The following TENM1 variants were observed in gnomAD, a reference collection of about 807,000 sequenced individuals.
The protein encoded by TENM1 is teneurin-1.
TENM1 carries 35 observed loss-of-function variants against 174.8 expected under a neutral mutation model. That is an observed-to-expected ratio of 0.20 (90% CI 0.15 to 0.27). The LOEUF (loss-of-function observed/expected upper bound fraction) is 0.27, where lower values mean the gene tolerates loss of function less well. Ranked by LOEUF, TENM1 falls within the 10% of genes least tolerant of loss-of-function variation. The pLI, the probability that TENM1 is intolerant of heterozygous loss-of-function variation, is 1.00. For synonymous variants in TENM1, 781 were observed against 798.7 expected, an observed-to-expected ratio of 0.98 and a Z score of 0.37; for missense variants, 1,633 against 2,130.1, an observed-to-expected ratio of 0.77 and a Z score of 4.59.
chrX:124,998,090 GAAAAAAA>G, the TENM1 span, among the ~76,000 whole-genome samples: 6 of 48,719 alleles, frequency 1.2e-4, no homozygotes, highest in African/African-American at 3.0e-4. Context: ...TCATTTTAGA[GAAAAAAA>G]AAAAAAAAAA....
rs895338738 is a variant in TENM1 at position 124,388,985 on chromosome X, A to G, written c.5689-2921T>C. Reference sequence around the variant, plus strand: ...GAAAGGTTTACATTTACTCTAATACAAAATTTTAGCCCACAAGTCTTCAAA... The same window carrying G: ...GAAAGGTTTACATTTACTCTAATACGAAATTTTAGCCCACAAGTCTTCAAA... On this transcript the variant is annotated intron_variant, in intron 28 of 31. Coordinates refer to ENST00000422452, the Ensembl canonical transcript of TENM1. Among the ~76,000 whole-genome samples, 10 of 112,626 alleles carry G rather than the reference A, an allele frequency of 8.9e-5. No homozygotes were observed. In the Admixed American group the frequency reaches 9.4e-4, roughly 11 times the overall value.
At chrX:124,906,548 C>A (rs1412116309) in intron 1 of TENM1, among the ~76,000 whole-genome samples, 1 of 111,567 alleles carries the variant, frequency 9.0e-6, no homozygotes. Context: ...ACCATATGAT[C>A]TAACTATTCC....
At chrX:125,171,855 G>A in the TENM1 span, among the ~76,000 whole-genome samples, 1 of 111,940 alleles carries the variant, frequency 8.9e-6, no homozygotes, top group African/African-American at 3.2e-5. Flanking sequence ...ACCATAAAAA[G>A]AGGCTATCTT....
intron 6 of TENM1, among the ~76,000 whole-genome samples, chrX:124,664,373 T>A (rs1296285993): frequency 9.1e-6 from 1 of 110,274 alleles, no homozygotes; most frequent in Non-Finnish European, 1.9e-5. Flanking sequence ...TGCAGTTTTT[T>A]AGTTTGGTAC....
chrX:124,603,798 A>G (rs2050086554), intron 11 of TENM1, among the ~76,000 whole-genome samples: 1 of 112,016 alleles, frequency 8.9e-6, no homozygotes, highest in Non-Finnish European at 1.9e-5. Flanking sequence ...TTTTCAAGAC[A>G]TGTCCTGTTA....
At chrX:124,712,299 A>C (rs2053072875) in intron 4 of TENM1, among the ~76,000 whole-genome samples, 1 of 110,580 alleles carries the variant, frequency 9.0e-6, no homozygotes, top group Non-Finnish European at 1.9e-5. Context: ...CTACTTTACA[A>C]CACCACCAAC....
chrX:124,533,813 T>C (rs892751336), intron 15 of TENM1, among the ~76,000 whole-genome samples: 4 of 111,835 alleles, frequency 3.6e-5, no homozygotes, highest in Non-Finnish European at 7.5e-5. Flanking sequence ...GTTGGTTTTG[T>C]GTGTCTATAT....
chrX:124,795,401 C>T (rs991908163), intron 3 of TENM1, among the ~76,000 whole-genome samples: 2 of 112,276 alleles, frequency 1.8e-5, no homozygotes, highest in Non-Finnish European at 3.8e-5. Flanking sequence ...ATAATTCCTG[C>T]ATAATTGCTG....
chrX:124,907,104 A>G (rs1027441695), intron 1 of TENM1, among the ~76,000 whole-genome samples: 11 of 111,968 alleles, frequency 9.8e-5, no homozygotes, highest in African/African-American at 3.6e-4. Flanking sequence ...GTTTCTAGAA[A>G]ATACAGGGGG....
intron 1 of TENM1, among the ~76,000 whole-genome samples, chrX:124,938,347 A>G (rs1284944661): frequency 8.9e-6 from 1 of 112,421 alleles, no homozygotes; most frequent in Non-Finnish European, 1.9e-5. Flanking sequence ...AAGTGCCTTC[A>G]TTGTTTTTCT....
At chrX:124,879,234 A>T (rs2057262172) in intron 3 of TENM1, among the ~76,000 whole-genome samples, 1 of 111,940 alleles carries the variant, frequency 8.9e-6, no homozygotes, top group Non-Finnish European at 1.9e-5. Flanking sequence ...CCTTCTATCT[A>T]ACAGTATCTT....
chrX:124,958,652 G>A (rs114188484), intron 1 of TENM1, among the ~76,000 whole-genome samples: 9,528 of 110,837 alleles, frequency 0.086, 969 homozygotes, highest in African/African-American at 0.29. Flanking sequence ...TAGAGCCATC[G>A]ACTTGATTTC....
the TENM1 span, among the ~76,000 whole-genome samples, chrX:125,176,068 T>C: frequency 1.8e-5 from 2 of 111,774 alleles, no homozygotes; most frequent in South Asian, 7.4e-4. Flanking sequence ...TCCATCATTG[T>C]AAGAGATTTT....
At chrX:124,497,377 T>C (rs1445364498) in intron 19 of TENM1, 112 bp from the exon 23 acceptor site, 3 of 811,048 alleles carry the variant, frequency 3.7e-6, no homozygotes, top group Non-Finnish European at 5.1e-6. Context: ...AGCTTTGGCC[T>C]GGCATAAGAG....
the TENM1 span, among the ~76,000 whole-genome samples, chrX:125,065,205 T>A: frequency 5.4e-5 from 6 of 111,998 alleles, no homozygotes; most frequent in Non-Finnish European, 9.4e-5. Context: ...CATGGCAACA[T>A]TTTTTGGGGA....
At chrX:124,543,422 G>C (rs773700595) in intron 15 of TENM1, among the ~76,000 whole-genome samples, 1 of 111,875 alleles carries the variant, frequency 8.9e-6, no homozygotes, top group Non-Finnish European at 1.9e-5. Context: ...GCTGTCAGCC[G>C]CTGCACTAAC....
At position 124,651,984 on chromosome X, in the gene TENM1, T is replaced by A. The variant is rs1458389317; in HGVS notation, c.1509A>T (p.Gly503=). ...CATTGTAAAACGCCAGATACCAAGG[T>A]CCTTGATCCATATACTCTATGAAAC... The change falls in exon 8 of 32, where the codon GGA becomes GGT. Residue 503 remains glycine, a synonymous_variant. Coordinates refer to ENST00000422452, the Ensembl canonical transcript of TENM1. 4 of 1,211,162 alleles carry A rather than the reference T, an allele frequency of 3.3e-6. No homozygotes were observed. The East Asian group carries it at 1.2e-4, about 36-fold the overall frequency.
chrX:124,559,278 T>C (rs1228286981), intron 14 of TENM1, among the ~76,000 whole-genome samples: 1 of 111,467 alleles, frequency 9.0e-6, no homozygotes, highest in Non-Finnish European at 1.9e-5. Context: ...ACTACCTAGG[T>C]TTATATCCAG....
At chrX:125,112,189 T>C in the TENM1 span, among the ~76,000 whole-genome samples, 2 of 104,524 alleles carry the variant, frequency 1.9e-5, no homozygotes, top group African/African-American at 7.0e-5. Context: ...GGGAGAGGTG[T>C]TTGGTTTCAG....
Sources: allele counts gnomAD v4.1 joint callset (sites outside exome capture counted in the v4.1 genomes callset), GRCh38; gene constraint gnomAD v4.1.1; transcripts MANE v1.5; gene names NCBI Gene and HGNC (gene_info 2026-07-23, HGNC 2026-07-21).